Variants in SHISA6 observed in about 807,000 individuals in gnomAD.
The protein encoded by SHISA6 is shisa family member 6, also known as protein shisa-6.
In SHISA6, 22 loss-of-function variants were observed where a neutral mutation model predicts 47.9. The observed-to-expected ratio is 0.46, with a 90% CI of 0.33 to 0.66. The LOEUF is 0.66. Ranked by LOEUF, SHISA6 falls within the 30% of genes least tolerant of loss-of-function variation. The pLI is 0.02. For synonymous variants in SHISA6, 388 were observed against 337.8 expected, an observed-to-expected ratio of 1.15 and a Z score of -1.63; for missense variants, 680 against 764.6, an observed-to-expected ratio of 0.89 and a Z score of 1.30.
intron 3 of SHISA6, among the ~76,000 whole-genome samples, chr17:11,425,492 C>T (rs1398037359): frequency 6.6e-6 from 1 of 152,082 alleles, no homozygotes; most frequent in Non-Finnish European, 1.5e-5. Flanking sequence ...TCCTCTGCCT[C>T]CAATTTTTCA....
At chr17:11,447,430 G>A (rs1915266779) in intron 3 of SHISA6, among the ~76,000 whole-genome samples, 1 of 152,180 alleles carries the variant, frequency 6.6e-6, no homozygotes, top group African/African-American at 2.4e-5. Context: ...GCTGACCTCA[G>A]AGAAGACCCC....
intron 3 of SHISA6, among the ~76,000 whole-genome samples, chr17:11,511,565 A>G (rs1234809769): frequency 1.3e-5 from 2 of 151,312 alleles, no homozygotes; most frequent in Non-Finnish European, 3.0e-5. Context: ...AATGTGGTAT[A>G]GCCCCCACCC....
intron 2 of SHISA6, among the ~76,000 whole-genome samples, chr17:11,305,410 G>A (rs1910076735): frequency 6.6e-6 from 1 of 152,230 alleles, no homozygotes; most frequent in East Asian, 1.9e-4. Flanking sequence ...GGGGAGCAAA[G>A]CTAATGGAAA....
chr17:11,281,979 A>G (rs182131205), intron 2 of SHISA6, among the ~76,000 whole-genome samples: 26 of 152,346 alleles, frequency 1.7e-4, no homozygotes, highest in Admixed American at 1.0e-3. Context: ...TCAAATGCAT[A>G]AAAGTTTTTT....
At chr17:11,511,606 A>G (rs1173650475) in intron 3 of SHISA6, among the ~76,000 whole-genome samples, 1 of 152,036 alleles carries the variant, frequency 6.6e-6, no homozygotes, top group African/African-American at 2.4e-5. Flanking sequence ...AGTTAGTACT[A>G]TCATGCTTGT....
intron 3 of SHISA6, 98 bp from the exon 4 acceptor site, chr17:11,551,798 A>C: frequency 1.8e-6 from 2 of 1,081,580 alleles, no homozygotes; most frequent in Non-Finnish European, 2.7e-6. Context: ...CCTTTAAGTC[A>C]GAGAAGCACA....
At chr17:11,257,028 G>A (rs1438474550) in intron 1 of SHISA6, among the ~76,000 whole-genome samples, 1 of 152,120 alleles carries the variant, frequency 6.6e-6, no homozygotes, top group Non-Finnish European at 1.5e-5. Context: ...ATTGTGCTGG[G>A]GACAACTCAG....
At chr17:11,511,014 C>A (rs1198855255) in intron 3 of SHISA6, among the ~76,000 whole-genome samples, 2 of 152,158 alleles carry the variant, frequency 1.3e-5, no homozygotes, top group African/African-American at 4.8e-5. Context: ...CTAGGAAGAG[C>A]ACCCACCTCA....
intron 2 of SHISA6, among the ~76,000 whole-genome samples, chr17:11,358,071 C>T (rs1399186409): frequency 6.6e-6 from 1 of 152,072 alleles, no homozygotes; most frequent in Non-Finnish European, 1.5e-5. Context: ...CCATTTTATC[C>T]ATTTTTAAGT....
intron 3 of SHISA6, among the ~76,000 whole-genome samples, chr17:11,384,742 C>T (rs1913137458): frequency 6.6e-6 from 1 of 152,160 alleles, no homozygotes. Flanking sequence ...ATGCGAGTTA[C>T]TGCCTGCCCT....
chr17:11,301,720 T>C (rs1909936254), intron 2 of SHISA6, among the ~76,000 whole-genome samples: 1 of 152,162 alleles, frequency 6.6e-6, no homozygotes, highest in Admixed American at 6.5e-5. Flanking sequence ...CCCAAGTCAA[T>C]GTCATGCCGG....
chr17:11,392,456 G>A (rs1024104616), intron 3 of SHISA6, among the ~76,000 whole-genome samples: 2 of 152,086 alleles, frequency 1.3e-5, no homozygotes, highest in African/African-American at 4.8e-5. Flanking sequence ...TCACAGAACT[G>A]GATTAATTTC....
At chr17:11,498,980 C>T (rs930240210) in intron 3 of SHISA6, among the ~76,000 whole-genome samples, 8 of 151,700 alleles carry the variant, frequency 5.3e-5, no homozygotes, top group African/African-American at 9.7e-5. Context: ...AGGGAAAGAG[C>T]GAGGCAGAGG....
At chr17:11,318,901 T>C (rs1910611909) in intron 2 of SHISA6, among the ~76,000 whole-genome samples, 2 of 152,186 alleles carry the variant, frequency 1.3e-5, no homozygotes, top group Non-Finnish European at 2.9e-5. Context: ...ATATTCGATT[T>C]TGCTCAAACT....
At chr17:11,400,461 C>A (rs951004680) in intron 3 of SHISA6, among the ~76,000 whole-genome samples, 2 of 152,150 alleles carry the variant, frequency 1.3e-5, no homozygotes, top group Non-Finnish European at 2.9e-5. Flanking sequence ...TCTATGGATT[C>A]TCCTTCAATA....
intron 1 of SHISA6, among the ~76,000 whole-genome samples, chr17:11,262,755 G>C (rs955530515): frequency 1.3e-5 from 2 of 152,166 alleles, no homozygotes; most frequent in South Asian, 2.1e-4. Flanking sequence ...TTTTTCCCCT[G>C]TGTTTGTGAT....
intron 1 of SHISA6, among the ~76,000 whole-genome samples, chr17:11,257,342 A>T (rs1169530792): frequency 6.6e-6 from 1 of 152,184 alleles, no homozygotes; most frequent in Non-Finnish European, 1.5e-5. Context: ...GAGGACACCA[A>T]CAGTTCTTAA....
intron 3 of SHISA6, among the ~76,000 whole-genome samples, chr17:11,507,200 CAATT>C (rs1162067955): frequency 6.6e-6 from 1 of 152,156 alleles, no homozygotes; most frequent in Admixed American, 6.5e-5. Flanking sequence ...ATAAATTGCT[CAATT>C]AATATTGGTT....
intron 2 of SHISA6, among the ~76,000 whole-genome samples, chr17:11,344,712 G>A (rs375551276): frequency 6.6e-6 from 1 of 152,044 alleles, no homozygotes; most frequent in African/African-American, 2.4e-5. Context: ...ACCTGTATAC[G>A]ACGTGTCTAA....
Sources: gnomAD v4.1 joint callset for allele counts (sites outside exome capture counted in the v4.1 genomes callset) on GRCh38, gnomAD v4.1.1 for gene constraint, MANE v1.5 for transcripts, NCBI Gene and HGNC (gene_info 2026-07-23, HGNC 2026-07-21) for gene names.